Variants in GABRB2 observed in about 807,000 individuals in gnomAD.
GABRB2 encodes the protein gamma-aminobutyric acid type A receptor subunit beta2, also known as gamma-aminobutyric acid receptor subunit beta-2.
In GABRB2, 16 loss-of-function variants were observed where a neutral mutation model predicts 54.7. That is an observed-to-expected ratio of 0.29 (90% confidence interval 0.20 to 0.44). GABRB2 has a LOEUF of 0.44. Among genes scored for constraint, GABRB2 ranks in the 20% least tolerant of loss-of-function variants. The probability of loss-of-function intolerance (pLI) is 1.00; values close to 1 mark genes in which losing one functional copy is unlikely to be tolerated. For missense variants in GABRB2, 355 were observed against 644.0 expected (o/e 0.55, Z 4.86); for synonymous variants, 244 against 233.8 (o/e 1.04, Z -0.40).
At chr5:161,341,813 C>A (rs1754165698) in intron 5 of GABRB2, among the ~76,000 whole-genome samples, 1 of 150,142 alleles carries the variant, frequency 6.7e-6, no homozygotes, top group East Asian at 2.0e-4. Context: ...TCTACTAAGT[C>A]AATATTTCAT....
chr5:161,339,799 T>G (rs182775077), intron 5 of GABRB2, among the ~76,000 whole-genome samples: 1 of 152,106 alleles, frequency 6.6e-6, no homozygotes, highest in East Asian at 1.9e-4. Flanking sequence ...TTCAGAGAGA[T>G]TAAGGACCTT....
chr5:161,407,425 TA>T (rs1376300096), intron 5 of GABRB2, among the ~76,000 whole-genome samples: 1 of 152,064 alleles, frequency 6.6e-6, no homozygotes, highest in Non-Finnish European at 1.5e-5. Context: ...TATTTTTTTT[TA>T]AAGAGAGAAA....
intron 3 of GABRB2, among the ~76,000 whole-genome samples, chr5:161,499,073 C>G (rs919534837): frequency 6.6e-6 from 1 of 152,060 alleles, no homozygotes; most frequent in South Asian, 2.1e-4. Context: ...TGTGGGCTTC[C>G]AGAGCTCGGG....
intron 3 of GABRB2, among the ~76,000 whole-genome samples, chr5:161,462,255 G>C (rs1354920875): frequency 6.6e-6 from 1 of 152,158 alleles, no homozygotes. Context: ...CTGCTTTAGG[G>C]AAGAATTAGT....
intron 4 of GABRB2, among the ~76,000 whole-genome samples, chr5:161,427,268 G>C (rs889598003): frequency 6.6e-6 from 1 of 152,152 alleles, no homozygotes; most frequent in African/African-American, 2.4e-5. Flanking sequence ...ATGATCAGCT[G>C]TTCACATTTT....
At chr5:161,525,706 C>A (rs544668043) in intron 3 of GABRB2, among the ~76,000 whole-genome samples, 207 of 151,290 alleles carry the variant, frequency 1.4e-3, no homozygotes, top group African/African-American at 4.1e-3. Flanking sequence ...ATAAGAAGCA[C>A]TTTTTCTTAT....
Position 161,357,289 on chromosome 5 carries a change from C to T in GABRB2, c.542-20520G>A, listed in dbSNP as rs77498157. 3.3e-5 allele frequency among the ~76,000 whole-genome samples: 5 copies of T among 152,134 alleles called. No homozygotes were observed. In the East Asian group the frequency reaches 5.8e-4, roughly 18 times the overall value. ...AGTTATAATCCTATCTATAGAAAGG[C>T]ATCCGAGGTAGAGAGGGCAGCCAGT... On this transcript the variant is annotated intron_variant, in intron 5 of 9. Transcript: ENST00000393959.
At chr5:161,533,046 C>T (rs1257874727) in intron 3 of GABRB2, among the ~76,000 whole-genome samples, 1 of 152,080 alleles carries the variant, frequency 6.6e-6, no homozygotes, top group Non-Finnish European at 1.5e-5. Flanking sequence ...GGAGAGAAGT[C>T]ATTTCATCTT....
chr5:161,458,045 C>T (rs1276031444), intron 4 of GABRB2, among the ~76,000 whole-genome samples: 1 of 152,124 alleles, frequency 6.6e-6, no homozygotes, highest in Non-Finnish European at 1.5e-5. Flanking sequence ...TTCTAAGTCT[C>T]CTGCCTTCTT....
intron 3 of GABRB2, among the ~76,000 whole-genome samples, chr5:161,497,530 A>ATGTGTGTGTG (rs71587162): frequency 1.5e-3 from 227 of 147,394 alleles, no homozygotes; most frequent in Middle Eastern, 0.014. Flanking sequence ...GTGTGTGTAT[A>ATGTGTGTGTG]TGTGTGTGTG....
chr5:161,297,022 T>G (rs776187981), intron 9 of GABRB2, among the ~76,000 whole-genome samples: 4 of 152,202 alleles, frequency 2.6e-5, no homozygotes, highest in Non-Finnish European at 4.4e-5. Context: ...CTGGTTCCAC[T>G]GACATGGCAA....
intron 4 of GABRB2, among the ~76,000 whole-genome samples, chr5:161,450,855 T>A (rs1341897309): frequency 6.6e-6 from 1 of 152,152 alleles, no homozygotes; most frequent in African/African-American, 2.4e-5. Context: ...CAGCCTATCG[T>A]ATGCATTTTT....
intron 3 of GABRB2, among the ~76,000 whole-genome samples, chr5:161,479,783 T>A (rs866528142): frequency 6.6e-6 from 1 of 151,772 alleles, no homozygotes; most frequent in Middle Eastern, 3.4e-3. Context: ...AGAGACGGGG[T>A]TTCACCATGT....
At chr5:161,363,026 G>A (rs1754859545) in intron 5 of GABRB2, among the ~76,000 whole-genome samples, 1 of 152,110 alleles carries the variant, frequency 6.6e-6, no homozygotes, top group South Asian at 2.1e-4. Flanking sequence ...TCCCATTACT[G>A]GGTATATACC....
chr5:161,535,734 A>G (rs777129842), intron 3 of GABRB2, among the ~76,000 whole-genome samples: 1 of 152,174 alleles, frequency 6.6e-6, no homozygotes, highest in African/African-American at 2.4e-5. Context: ...TAAAAACTCA[A>G]TACAAGGTAG....
intron 5 of GABRB2, among the ~76,000 whole-genome samples, chr5:161,376,345 A>G (rs1470404813): frequency 6.6e-6 from 1 of 152,160 alleles, no homozygotes; most frequent in African/African-American, 2.4e-5. Context: ...AGAATCAACC[A>G]TGGTGTCAAG....
At chr5:161,444,255 T>C (rs1040263747) in intron 4 of GABRB2, among the ~76,000 whole-genome samples, 2 of 152,120 alleles carry the variant, frequency 1.3e-5, no homozygotes, top group East Asian at 1.9e-4. Flanking sequence ...GCCAATGAAA[T>C]AATATGATAC....
chr5:161,536,944 G>C (rs953055233), intron 3 of GABRB2, among the ~76,000 whole-genome samples: 4 of 151,834 alleles, frequency 2.6e-5, no homozygotes, highest in African/African-American at 9.7e-5. Flanking sequence ...CATCCCTTCA[G>C]AACCAAACTT....
intron 9 of GABRB2, among the ~76,000 whole-genome samples, chr5:161,308,707 C>G (rs376776548): frequency 1.3e-5 from 2 of 152,110 alleles, no homozygotes; most frequent in Admixed American, 6.5e-5. Context: ...GAAATAAGAC[C>G]ACACATCTAC....
Sources: gnomAD v4.1 joint callset for allele counts (sites outside exome capture counted in the v4.1 genomes callset) on GRCh38, gnomAD v4.1.1 for gene constraint, MANE v1.5 for transcripts, NCBI Gene and HGNC (gene_info 2026-07-23, HGNC 2026-07-21) for gene names.